The following NDUFAF2 variants were observed in gnomAD, a reference collection of about 807,000 sequenced individuals.
The protein encoded by NDUFAF2 is NADH dehydrogenase [ubiquinone] 1 alpha subcomplex assembly factor 2.
Under a neutral mutation model 22.8 loss-of-function variants are expected in NDUFAF2, and 13 were observed. That is an observed-to-expected ratio of 0.57 (90% confidence interval 0.37 to 0.91). The LOEUF is 0.91. NDUFAF2 is among the 40% of genes least tolerant of loss of function. NDUFAF2 has a pLI of 0.01. For missense variants in NDUFAF2, 162 were observed against 195.2 expected (o/e 0.83, Z 1.01); for synonymous variants, 53 against 64.2 (o/e 0.83, Z 0.84).
intron 1 of NDUFAF2, among the ~76,000 whole-genome samples, chr5:61,002,533 A>G (rs290506): frequency 0.64 from 96,668 of 152,020 alleles, 31,171 homozygotes; most frequent in East Asian, 0.94. Context: ...TGAAGTGTTC[A>G]GCTTTTCTTA....
At chr5:60,968,747 T>G (rs1022001032) in intron 1 of NDUFAF2, among the ~76,000 whole-genome samples, 21 of 152,014 alleles carry the variant, frequency 1.4e-4, no homozygotes, top group African/African-American at 2.4e-5. Flanking sequence ...AAATGTAAAA[T>G]TAATTTATTT....
chr5:61,111,399 C>G (rs1034447548), intron 3 of NDUFAF2, among the ~76,000 whole-genome samples: 1 of 152,008 alleles, frequency 6.6e-6, no homozygotes. Flanking sequence ...CTTTCCAGTA[C>G]TTAAAGTGGG....
intron 1 of NDUFAF2, among the ~76,000 whole-genome samples, chr5:61,045,288 A>T (rs952478059): frequency 6.8e-5 from 10 of 146,620 alleles, no homozygotes; most frequent in Middle Eastern, 3.7e-3. Flanking sequence ...ATAAAATTTT[A>T]TTAAATTTTA....
intron 1 of NDUFAF2, among the ~76,000 whole-genome samples, chr5:60,985,684 T>C (rs1311350207): frequency 6.6e-6 from 1 of 152,204 alleles, no homozygotes; most frequent in African/African-American, 2.4e-5. Context: ...GGTTGTTCAG[T>C]TTCCATGTAG....
rs375982413 is a variant in NDUFAF2 at position 61,045,688 on chromosome 5, C to T, written c.128-27437C>T. ...GTTAGTGTATTTTTGTATCCCACAACTTTACTGAACTTGTTTGTTCTAACA... is the reference window on the plus strand; with the variant it reads ...GTTAGTGTATTTTTGTATCCCACAATTTTACTGAACTTGTTTGTTCTAACA... On this transcript the variant is annotated intron_variant, in intron 1 of 3. Transcript: ENST00000296597. 5.9e-3 allele frequency among the ~76,000 whole-genome samples: 349 copies of T among 58,688 alleles called. 2 individuals carry two copies. Among genetic ancestry groups the T allele is most frequent in the African/African-American group, 0.032 (337 of 10,600 alleles). 38.5% of individuals were successfully genotyped at this position (58,688 alleles called of 152,430 possible). A position where few individuals can be genotyped will look rare whatever the true frequency, so the allele number is the denominator to read the frequency against.
intron 3 of NDUFAF2, among the ~76,000 whole-genome samples, chr5:61,111,906 C>T (rs1054383110): frequency 5.9e-5 from 9 of 151,946 alleles, no homozygotes; most frequent in Admixed American, 4.6e-4. Flanking sequence ...GTGTGAGCCA[C>T]CGTGCCCAGC....
At chr5:61,142,232 C>G (rs1311671542) in intron 3 of NDUFAF2, among the ~76,000 whole-genome samples, 2 of 151,954 alleles carry the variant, frequency 1.3e-5, no homozygotes, top group Non-Finnish European at 2.9e-5. Flanking sequence ...GCTTAGAGGC[C>G]CTTTTTGCGT....
chr5:61,042,533 G>A (rs1421762798), intron 1 of NDUFAF2, among the ~76,000 whole-genome samples: 2 of 152,058 alleles, frequency 1.3e-5, no homozygotes, highest in African/African-American at 4.8e-5. Context: ...AATAAAGAGG[G>A]GTTGCCAGTT....
chr5:60,958,544 A>G (rs928785798), intron 1 of NDUFAF2, among the ~76,000 whole-genome samples: 1 of 152,146 alleles, frequency 6.6e-6, no homozygotes, highest in Non-Finnish European at 1.5e-5. Context: ...ACCAGGGATT[A>G]TTATCCTCAT....
intron 3 of NDUFAF2, among the ~76,000 whole-genome samples, chr5:61,104,112 A>G (rs916936769): frequency 1.3e-5 from 2 of 152,026 alleles, no homozygotes; most frequent in African/African-American, 2.4e-5. Flanking sequence ...CAATTTTGTG[A>G]TGGGTTTATA....
chr5:61,073,035 A>T, intron 1 of NDUFAF2, 90 bp from the exon 2 acceptor site: 1 of 810,972 alleles, frequency 1.2e-6, no homozygotes. Flanking sequence ...CTTTTACTAT[A>T]TAAGGGGTTA....
intron 1 of NDUFAF2, among the ~76,000 whole-genome samples, chr5:61,049,817 T>TATACATATATATAA (rs1752000103): frequency 6.6e-6 from 1 of 151,810 alleles, no homozygotes; most frequent in East Asian, 1.9e-4. Flanking sequence ...TGTGTATTTA[T>TATACATATATATAA]ATACATATAT....
At chr5:61,082,118 C>T (rs1018119234) in intron 2 of NDUFAF2, among the ~76,000 whole-genome samples, 11 of 152,162 alleles carry the variant, frequency 7.2e-5, no homozygotes, top group Non-Finnish European at 1.2e-4. Context: ...ATAAAAACAA[C>T]GATTCACAGG....
At chr5:60,985,037 G>A (rs1285137170) in intron 1 of NDUFAF2, among the ~76,000 whole-genome samples, 1 of 151,814 alleles carries the variant, frequency 6.6e-6, no homozygotes, top group Non-Finnish European at 1.5e-5. Context: ...ACTGTTTTTG[G>A]TTGGTAAGCT....
intron 3 of NDUFAF2, among the ~76,000 whole-genome samples, chr5:61,123,084 C>G (rs904619356): frequency 6.6e-6 from 1 of 152,036 alleles, no homozygotes; most frequent in Non-Finnish European, 1.5e-5. Context: ...GGATTGGGTC[C>G]CAGCACCCAG....
chr5:61,012,523 A>T (rs555784802), intron 1 of NDUFAF2, among the ~76,000 whole-genome samples: 3 of 151,988 alleles, frequency 2.0e-5, no homozygotes, highest in Non-Finnish European at 4.4e-5. Context: ...TCCTTTTCCA[A>T]TCTAGTACTT....
chr5:60,956,507 G>A (rs1284824774), intron 1 of NDUFAF2, among the ~76,000 whole-genome samples: 2 of 152,106 alleles, frequency 1.3e-5, no homozygotes, highest in East Asian at 1.9e-4. Flanking sequence ...CCTTCATTAT[G>A]TTGAGGTGCA....
chr5:61,133,304 A>G (rs991712971), intron 3 of NDUFAF2, among the ~76,000 whole-genome samples: 31 of 152,286 alleles, frequency 2.0e-4, no homozygotes, highest in African/African-American at 7.2e-4. Context: ...TAGTTGGTTG[A>G]CTTTAACTTT....
At chr5:60,985,609 G>A (rs1045348818) in intron 1 of NDUFAF2, among the ~76,000 whole-genome samples, 15 of 151,980 alleles carry the variant, frequency 9.9e-5, no homozygotes, top group African/African-American at 3.4e-4. Context: ...TGTTCTCTTT[G>A]GTTTGAAAGA....
Sources: gnomAD v4.1 joint callset for allele counts (sites outside exome capture counted in the v4.1 genomes callset) on GRCh38, gnomAD v4.1.1 for gene constraint, MANE v1.5 for transcripts, NCBI Gene and HGNC (gene_info 2026-07-23, HGNC 2026-07-21) for gene names.